THSD7A: variants seen among roughly 807,000 people sequenced by gnomAD.
THSD7A encodes thrombospondin type 1 domain containing 7A, also known as thrombospondin type-1 domain-containing protein 7A.
Under a neutral mutation model 231.3 loss-of-function variants are expected in THSD7A, and 96 were observed. That is an observed-to-expected ratio of 0.41 (90% CI 0.35 to 0.49). The LOEUF is 0.49. Among genes scored for constraint, THSD7A ranks in the 20% least tolerant of loss-of-function variants. The probability of loss-of-function intolerance (pLI) is 0.05; values close to 1 mark genes in which losing one functional copy is unlikely to be tolerated. For missense variants in THSD7A, 2,290 were observed against 2,070.2 expected (o/e 1.11, Z -2.06); for synonymous variants, 940 against 743.3 (o/e 1.26, Z -4.30).
intron 13 of THSD7A, among the ~76,000 whole-genome samples, chr7:11,442,453 T>C (rs997832904): frequency 6.6e-6 from 1 of 152,192 alleles, no homozygotes; most frequent in Admixed American, 6.5e-5. Context: ...AGGGGATTAT[T>C]GTCATTGCAC....
chr7:11,610,744 A>T lies in THSD7A; in HGVS notation c.1023-17242T>A, dbSNP rs992924981. On this transcript the variant is annotated intron_variant, in intron 2 of 27. Transcript: ENST00000423059. ...GGTCTTAAAAAACCAACATCTTTAG[A>T]TAAATTGCAACAAATAGGAAAAATG... 5.1e-4 allele frequency among the ~76,000 whole-genome samples: 77 copies of T among 152,176 alleles called. 1 individual carries two copies. Among genetic ancestry groups the T allele is most frequent in the Admixed American group, 1.4e-3 (21 of 15,284 alleles).
chr7:11,774,687 T>A (rs552937872), intron 1 of THSD7A, among the ~76,000 whole-genome samples: 3 of 152,316 alleles, frequency 2.0e-5, no homozygotes, highest in African/African-American at 7.2e-5. Flanking sequence ...ATAAAGTTGT[T>A]AAAAAATAAA....
At position 11,411,236 on chromosome 7, in the gene THSD7A, T is replaced by G; in HGVS notation, c.3769A>C (p.Lys1257Gln). The part of the protein sequence containing the change: ...RMLDCVRSDG[K>Q]SVDLKYCEAL... ...TCACAATATTTCAGGTCAACTGACT[T>G]GCCATCACTTCGAACACAATCCAAC... The change falls in exon 19 of 28, where the codon AAG becomes CAG. Residue 1257 changes from lysine to glutamine, a missense_variant. Transcript: ENST00000423059. This position sits in a 1 kb window ranked among gnomAD's most constrained non-coding sequence, Gnocchi z 4.1. 6.2e-7 allele frequency: 1 copy of G among 1,613,836 alleles called. No individual in the cohort carries two copies. Among genetic ancestry groups the G allele is most frequent in the Non-Finnish European group, 8.5e-7 (1 of 1,179,798 alleles).
At chr7:11,755,594 C>T (rs1041626896) in intron 1 of THSD7A, among the ~76,000 whole-genome samples, 3 of 151,966 alleles carry the variant, frequency 2.0e-5, no homozygotes, top group African/African-American at 7.2e-5. Context: ...CGGATGGCAG[C>T]ACAGGTCGAG....
rs1780128043 is a variant in THSD7A at position 11,590,686 on chromosome 7, G to T, written c.1272-45C>A. 1 of 1,546,990 alleles carries T rather than the reference G, an allele frequency of 6.5e-7. No homozygotes were observed. On this transcript the variant is annotated intron_variant, in intron 3 of 27. Transcript: ENST00000423059. The surrounding 1 kb of genome is among the most constrained non-coding windows in gnomAD (Gnocchi z 4.4). ...CCAGCAGCAACCATAATTATTGAATGACGTGTTTCTCTACTCCTGTCATAC... is the reference window on the plus strand; with the variant it reads ...CCAGCAGCAACCATAATTATTGAATTACGTGTTTCTCTACTCCTGTCATAC...
At chr7:11,518,676 A>C (rs150447483) in intron 6 of THSD7A, among the ~76,000 whole-genome samples, 56 of 152,136 alleles carry the variant, frequency 3.7e-4, no homozygotes, top group African/African-American at 1.3e-3. Flanking sequence ...ATCACCCAAA[A>C]AGTATTTGCT....
chr7:11,789,668 G>T (rs1783891242), intron 1 of THSD7A, among the ~76,000 whole-genome samples: 1 of 151,684 alleles, frequency 6.6e-6, no homozygotes, highest in Non-Finnish European at 1.5e-5. Context: ...TTATATAGCA[G>T]ATCTATAGAA....
chr7:11,664,391 A>T (rs1442398987), intron 1 of THSD7A, among the ~76,000 whole-genome samples: 1 of 151,890 alleles, frequency 6.6e-6, no homozygotes, highest in Non-Finnish European at 1.5e-5. Context: ...TATCTCCCAT[A>T]AGCACCAATT....
At chr7:11,658,365 G>A (rs182439344) in intron 1 of THSD7A, among the ~76,000 whole-genome samples, 2 of 151,778 alleles carry the variant, frequency 1.3e-5, no homozygotes, top group African/African-American at 2.4e-5. Context: ...AGATGTGTTT[G>A]TCACTTGCTA....
chr7:11,481,556 G>A lies in THSD7A; in HGVS notation c.2017+232C>T, dbSNP rs1405368327. 2.6e-5 allele frequency among the ~76,000 whole-genome samples: 4 copies of A among 152,120 alleles called. No individual in the cohort carries two copies. The South Asian group carries it at 8.3e-4, about 32-fold the overall frequency. On this transcript the variant is annotated intron_variant, in intron 7 of 27. Transcript: ENST00000423059. ...CTAATGACTGGAAGGGTGGGAAAAA[G>A]CAAAATGAGTTCACTTTTAAAAAGT...
At chr7:11,394,517 C>T (rs1322162191) in intron 23 of THSD7A, among the ~76,000 whole-genome samples, 1 of 152,144 alleles carries the variant, frequency 6.6e-6, no homozygotes, top group Non-Finnish European at 1.5e-5. Context: ...GTTCTCTGAC[C>T]CTGAGGCAGA....
chr7:11,446,243 T>C lies in THSD7A; in HGVS notation c.2882A>G (p.Tyr961Cys), dbSNP rs779162653. ...CCAGTTCCCCACAGGTTGTGCATTA[T>C]ATTTGTCACAAGGACAATACTGAGT... ...IETQYCPCDK[Y>C]NAQPVGNWSD... is the part of the protein sequence containing the mutation. Residue 961 changes from tyrosine to cysteine, a missense_variant, in exon 13 of 28, where the codon TAT becomes TGT. Tyr to Cys is a radical substitution (Grantham distance 194). Coordinates refer to ENST00000423059, the MANE Select transcript of THSD7A (RefSeq NM_015204.3). The surrounding 1 kb of genome is among the most constrained non-coding windows in gnomAD (Gnocchi z 4.0). The C allele has an allele frequency of 2.5e-6, 4 of 1,613,424 alleles. No individual in the cohort carries two copies. The highest frequency in any genetic ancestry group is 3.3e-5 in the Admixed American group (2 of 59,908).
At chr7:11,610,037 C>G (rs577710464) in intron 2 of THSD7A, among the ~76,000 whole-genome samples, 4 of 151,676 alleles carry the variant, frequency 2.6e-5, no homozygotes, top group Non-Finnish European at 5.9e-5. Context: ...AAAAACAACT[C>G]GAAAATGGTT....
chr7:11,666,576 A>G (rs1452912410), intron 1 of THSD7A, among the ~76,000 whole-genome samples: 1 of 152,032 alleles, frequency 6.6e-6, no homozygotes, highest in African/African-American at 2.4e-5. Flanking sequence ...GACCACCAAC[A>G]TTTAATTTAA....
chr7:11,520,170 A>G (rs939220300), intron 6 of THSD7A: 1 of 152,228 alleles, frequency 6.6e-6, no homozygotes, highest in African/African-American at 2.4e-5. Context: ...CTGAGATGTA[A>G]TATGGTGCTT....
intron 6 of THSD7A, among the ~76,000 whole-genome samples, chr7:11,484,540 GTTAA>G (rs1456702381): frequency 2.0e-5 from 3 of 151,910 alleles, no homozygotes; most frequent in Non-Finnish European, 4.4e-5. Context: ...TAATTAATTG[GTTAA>G]TATGTTTATT....
intron 1 of THSD7A, among the ~76,000 whole-genome samples, chr7:11,829,543 C>T (rs1032639559): frequency 3.3e-5 from 5 of 152,068 alleles, no homozygotes; most frequent in Admixed American, 6.6e-5. Flanking sequence ...ATAATCTCAC[C>T]ATTAATATGA....
rs758310263 is a variant in THSD7A at position 11,375,746 on chromosome 7, T to A, written c.*48A>T. On this transcript the variant is annotated 3_prime_UTR_variant, in exon 28 of 28. Coordinates refer to ENST00000423059, the MANE Select transcript of THSD7A (RefSeq NM_015204.3). ...ACATTTGTTGTGGCCTCTGGACATC[T>A]ATGAAGTCAGAAAGCCGAAACTGGT... 112 of 1,503,708 alleles carry A rather than the reference T, an allele frequency of 7.4e-5. No homozygotes were observed. Among genetic ancestry groups the A allele is most frequent in the Non-Finnish European group, 9.8e-5 (106 of 1,082,150 alleles). 93.1% of individuals were successfully genotyped at this position (1,503,708 alleles called of 1,614,324 possible).
intron 1 of THSD7A, among the ~76,000 whole-genome samples, chr7:11,733,524 TA>T (rs1489705855): frequency 1.3e-5 from 2 of 151,836 alleles, no homozygotes; most frequent in Admixed American, 6.6e-5. Context: ...TGTTTTGAGG[TA>T]GAGAAAAGTG....
Sources: allele counts gnomAD v4.1 joint callset (sites outside exome capture counted in the v4.1 genomes callset), GRCh38; gene constraint gnomAD v4.1.1; non-coding constraint Gnocchi (gnomAD v3.1); transcripts MANE v1.5; gene names NCBI Gene and HGNC (gene_info 2026-07-23, HGNC 2026-07-21).